The following EPC1 variants were observed in gnomAD, a reference collection of about 807,000 sequenced individuals.
EPC1 encodes the protein enhancer of polycomb 1, also known as enhancer of polycomb homolog 1.
A neutral mutation model predicts 98.4 loss-of-function variants in EPC1; 12 were observed. That is an observed-to-expected ratio of 0.12 (90% CI 0.08 to 0.20). The LOEUF (loss-of-function observed/expected upper bound fraction) is 0.20. Among genes scored for constraint, EPC1 ranks in the 10% least tolerant of loss-of-function variants. EPC1 has a pLI of 1.00. For synonymous variants in EPC1, 357 were observed against 363.9 expected (o/e 0.98, Z 0.21); for missense variants, 729 against 990.5 (o/e 0.74, Z 3.54).
chr10:32,322,104 T>G (rs1243774862), intron 1 of EPC1, among the ~76,000 whole-genome samples: 1 of 149,256 alleles, frequency 6.7e-6, no homozygotes, highest in Non-Finnish European at 1.5e-5. Flanking sequence ...CTGAGGAAGA[T>G]GAAGTCACAA....
In EPC1 at chr10:32,268,171, CAACAT is replaced by C. The variant is rs1349155830; in HGVS notation, c.*887_*891del. On this transcript the variant is annotated 3_prime_UTR_variant, in exon 14 of 14. Coordinates refer to ENST00000319778, the MANE Select transcript of EPC1 (RefSeq NM_001272004.3). ...TTTTTGTGCTAAAAAAAGGGCAAGA[CAACAT>C]AAACTCCAGTTGTAAGGACTCCATT... 2 of 152,090 alleles carry C rather than the reference CAACAT, an allele frequency of 1.3e-5. No homozygotes were observed. The highest frequency in any genetic ancestry group is 2.9e-5 in the Non-Finnish European group (2 of 68,006). 9.4% of individuals were successfully genotyped at this position (152,090 alleles called of 1,614,324 possible).
At chr10:32,284,464 T>C (rs543222687) in intron 10 of EPC1, 41 of 381,518 alleles carry the variant, frequency 1.1e-4, no homozygotes, top group Non-Finnish European at 1.4e-5. Flanking sequence ...AAATGTCACA[T>C]ATTAAATAGA....
intron 2 of EPC1, among the ~76,000 whole-genome samples, chr10:32,294,443 A>G (rs1370008577): frequency 6.6e-6 from 1 of 152,202 alleles, no homozygotes; most frequent in Non-Finnish European, 1.5e-5. Context: ...TTGTGCGTGA[A>G]GTTTTGACTG....
intron 2 of EPC1, among the ~76,000 whole-genome samples, chr10:32,303,107 C>A (rs1317775507): frequency 6.6e-6 from 1 of 152,132 alleles, no homozygotes; most frequent in East Asian, 1.9e-4. Flanking sequence ...AATTCGAGAC[C>A]AGCCTGGCCA....
At chr10:32,377,436 C>T (rs1208575352) in intron 1 of EPC1, 1 of 152,094 alleles carries the variant, frequency 6.6e-6, no homozygotes, top group Non-Finnish European at 1.5e-5. Flanking sequence ...CAAAATGTTA[C>T]TAAAAGGATA....
At chr10:32,350,731 T>A (rs552400564), upstream of EPC1, among the ~76,000 whole-genome samples, 63 of 152,332 alleles carry the variant, frequency 4.1e-4, 2 homozygotes, top group South Asian at 0.013. Context: ...CTGTTCCAAA[T>A]ACAGAATTTC....
At chr10:32,339,871 G>C (rs781330311) in intron 1 of EPC1, among the ~76,000 whole-genome samples, 1 of 152,114 alleles carries the variant, frequency 6.6e-6, no homozygotes, top group Admixed American at 6.5e-5. Flanking sequence ...ACTTGTCAAT[G>C]GATACAAAAT....
intron 1 of EPC1, among the ~76,000 whole-genome samples, chr10:32,326,132 T>C (rs987375295): frequency 8.5e-5 from 13 of 152,202 alleles, no homozygotes; most frequent in Non-Finnish European, 1.5e-4. Flanking sequence ...GGACAGAACC[T>C]ACAATATCCC....
At chr10:32,372,810 C>T (rs1839787830) in intron 1 of EPC1, among the ~76,000 whole-genome samples, 1 of 152,214 alleles carries the variant, frequency 6.6e-6, no homozygotes. Flanking sequence ...CACCTGAGAT[C>T]AGGAGTTCGA....
intron 6 of EPC1, among the ~76,000 whole-genome samples, chr10:32,289,362 A>G (rs1340541072): frequency 7.2e-6 from 1 of 138,200 alleles, no homozygotes; most frequent in Admixed American, 8.0e-5. Flanking sequence ...AAAAAAGTCC[A>G]TGTTTTTTCA....
intron 1 of EPC1, among the ~76,000 whole-genome samples, chr10:32,368,967 G>A (rs140843412): frequency 1.2e-4 from 18 of 152,268 alleles, no homozygotes; most frequent in African/African-American, 4.1e-4. Context: ...GGTAGTAAAG[G>A]GCAAAGTTAG....
intron 2 of EPC1, among the ~76,000 whole-genome samples, chr10:32,301,110 G>A (rs1360387595): frequency 1.3e-5 from 2 of 150,754 alleles, no homozygotes; most frequent in African/African-American, 2.5e-5. Flanking sequence ...ACCTACCTAC[G>A]TACCTACATG....
At chr10:32,293,316 G>A in intron 3 of EPC1, 122 bp from the exon 4 acceptor site, 2 of 835,556 alleles carry the variant, frequency 2.4e-6, no homozygotes, top group South Asian at 1.9e-5. Context: ...GGAAACTTGA[G>A]GAGTACATTA....
chr10:32,288,183 T>C (rs1182137163), intron 6 of EPC1, among the ~76,000 whole-genome samples: 1 of 152,188 alleles, frequency 6.6e-6, no homozygotes, highest in South Asian at 2.1e-4. Context: ...CCACAATTTC[T>C]ACTGTTGTAT....
intron 1 of EPC1, among the ~76,000 whole-genome samples, chr10:32,325,626 T>C (rs550049619): frequency 9.2e-5 from 14 of 152,292 alleles, no homozygotes; most frequent in African/African-American, 3.1e-4. Context: ...ATTTAAGATG[T>C]TCCCTACAAA....
intron 1 of EPC1, among the ~76,000 whole-genome samples, chr10:32,370,136 G>A (rs1015446745): frequency 6.6e-6 from 1 of 152,140 alleles, no homozygotes; most frequent in Non-Finnish European, 1.5e-5. Flanking sequence ...CCACTCTGAA[G>A]GGCATCAAAT....
chr10:32,305,598 T>C (rs2132818679), intron 2 of EPC1, among the ~76,000 whole-genome samples, 174 bp downstream of exon 2: 1 of 152,326 alleles, frequency 6.6e-6, no homozygotes, highest in East Asian at 1.9e-4. Flanking sequence ...CTATCTTTTC[T>C]TGTCAGATAT....
intron 10 of EPC1, among the ~76,000 whole-genome samples, chr10:32,279,749 C>G (rs1418110841): frequency 1.3e-5 from 2 of 152,048 alleles, no homozygotes; most frequent in Non-Finnish European, 2.9e-5. Flanking sequence ...AGTCCTTATG[C>G]AAATGCATAG....
chr10:32,314,609 A>G (rs1434410621), intron 1 of EPC1, among the ~76,000 whole-genome samples: 1 of 152,194 alleles, frequency 6.6e-6, no homozygotes, highest in African/African-American at 2.4e-5. Flanking sequence ...TGCTTACACC[A>G]TGAAAAACAT....
Sources: allele counts gnomAD v4.1 joint callset (sites outside exome capture counted in the v4.1 genomes callset), GRCh38; gene constraint gnomAD v4.1.1; transcripts MANE v1.5; gene names NCBI Gene and HGNC (gene_info 2026-07-23, HGNC 2026-07-21).